The following CADM1 variants were observed in gnomAD, a reference collection of about 807,000 sequenced individuals.
CADM1 encodes TSLC-1.
In CADM1, 15 loss-of-function variants were observed where a neutral mutation model predicts 53.1. The ratio of observed to expected loss-of-function variants is 0.28; its 90% confidence interval spans 0.19 to 0.44. CADM1 has a LOEUF of 0.44. Ranked by LOEUF, CADM1 falls within the 20% of genes least tolerant of loss-of-function variation. The pLI is 1.00. For missense variants in CADM1, 434 were observed against 611.3 expected, an observed-to-expected ratio of 0.71 and a Z score of 3.06; for synonymous variants, 281 against 243.0, an observed-to-expected ratio of 1.16 and a Z score of -1.45.
At chr11:115,188,797 A>G (rs1473778756) in intron 10 of CADM1, among the ~76,000 whole-genome samples, 1 of 152,186 alleles carries the variant, frequency 6.6e-6, no homozygotes, top group African/African-American at 2.4e-5. Flanking sequence ...TTCTCAATCA[A>G]TATGCTCCCC....
chr11:115,179,275 A>G (rs1162107296), intron 10 of CADM1, among the ~76,000 whole-genome samples: 1 of 152,202 alleles, frequency 6.6e-6, no homozygotes, highest in African/African-American at 2.4e-5. Flanking sequence ...CCTAGAGATA[A>G]AACAAGGATT....
At chr11:115,237,601 C>T (rs902314250) in intron 3 of CADM1, among the ~76,000 whole-genome samples, 2 of 152,096 alleles carry the variant, frequency 1.3e-5, no homozygotes, top group South Asian at 2.1e-4. Context: ...TGCAGTCTGC[C>T]GCCTCAAATA....
chr11:115,326,234 G>A (rs530474853), intron 1 of CADM1, among the ~76,000 whole-genome samples: 2 of 152,182 alleles, frequency 1.3e-5, no homozygotes, highest in Admixed American at 1.3e-4. Flanking sequence ...TGCTTTTAAA[G>A]AAATCATTAT....
chr11:115,472,415 A>C (rs1205142319), intron 1 of CADM1, among the ~76,000 whole-genome samples: 1 of 152,206 alleles, frequency 6.6e-6, no homozygotes, highest in Non-Finnish European at 1.5e-5. Flanking sequence ...TGAAATCACT[A>C]AAGATGCCCC....
intron 1 of CADM1, among the ~76,000 whole-genome samples, chr11:115,418,322 C>T (rs925751202): frequency 2.6e-5 from 4 of 152,132 alleles, no homozygotes; most frequent in Non-Finnish European, 5.9e-5. Context: ...TTAACAAGAA[C>T]GGCCAGTCTA....
At chr11:115,225,000 T>C (rs535779490) in intron 5 of CADM1, among the ~76,000 whole-genome samples, 2 of 152,286 alleles carry the variant, frequency 1.3e-5, no homozygotes, top group Non-Finnish European at 2.9e-5. Flanking sequence ...AGCAAAACTG[T>C]TCTCTGCATA....
chr11:115,426,819 A>C (rs915644018), intron 1 of CADM1, among the ~76,000 whole-genome samples: 1 of 152,044 alleles, frequency 6.6e-6, no homozygotes, highest in African/African-American at 2.4e-5. Context: ...TCTGCCATTC[A>C]CAGGGATGAA....
intron 1 of CADM1, among the ~76,000 whole-genome samples, chr11:115,386,554 G>A (rs1054066563): frequency 1.3e-5 from 2 of 152,170 alleles, no homozygotes; most frequent in African/African-American, 2.4e-5. Flanking sequence ...GTCCCAGGAC[G>A]GCTCAGGGCA....
chr11:115,358,771 A>T (rs969958326), intron 1 of CADM1, among the ~76,000 whole-genome samples: 1 of 152,190 alleles, frequency 6.6e-6, no homozygotes, highest in African/African-American at 2.4e-5. Flanking sequence ...TTTTCCTTCA[A>T]ATATCATCTC....
In CADM1 at chr11:115,255,345, C is replaced by T. The variant is rs1284167046; in HGVS notation, c.125-14925G>A. On this transcript the variant is annotated intron_variant, in intron 1 of 11. Transcript: ENST00000331581. ...AAAATATAATTAGGACACCTGTCCA[C>T]CAGTCCCCTCAGAGCTTTGCTATGC... Among the ~76,000 whole-genome samples the T allele has an allele frequency of 4.6e-5, 7 of 152,184 alleles. No individual in the cohort carries two copies. In the East Asian group the frequency reaches 7.7e-4, roughly 17 times the overall value.
chr11:115,451,919 G>A (rs947189016), intron 1 of CADM1, among the ~76,000 whole-genome samples: 1 of 151,828 alleles, frequency 6.6e-6, no homozygotes, highest in Non-Finnish European at 1.5e-5. Flanking sequence ...GGGGCTGGAG[G>A]GGAAAAAAAA....
At chr11:115,387,996 C>A (rs1946742394) in intron 1 of CADM1, among the ~76,000 whole-genome samples, 1 of 151,824 alleles carries the variant, frequency 6.6e-6, no homozygotes, top group Non-Finnish European at 1.5e-5. Context: ...AGGGAAAGGA[C>A]AAGATAAGCC....
At chr11:115,357,786 T>C (rs949405056) in intron 1 of CADM1, among the ~76,000 whole-genome samples, 1 of 148,650 alleles carries the variant, frequency 6.7e-6, no homozygotes, top group Non-Finnish European at 1.5e-5. Context: ...TTAAACTATG[T>C]TTAATATAGT....
intron 9 of CADM1, among the ~76,000 whole-genome samples, chr11:115,191,264 G>C (rs896243997): frequency 1.1e-4 from 17 of 152,136 alleles, no homozygotes; most frequent in African/African-American, 3.9e-4. Flanking sequence ...TCGATGCTCT[G>C]ATATCTCTTA....
intron 1 of CADM1, among the ~76,000 whole-genome samples, chr11:115,438,209 T>C (rs1948226071): frequency 6.6e-6 from 1 of 152,190 alleles, no homozygotes; most frequent in Non-Finnish European, 1.5e-5. Flanking sequence ...TCTGTGCCTT[T>C]AGTTCAAAAT....
chr11:115,424,942 T>C (rs144304144), intron 1 of CADM1, among the ~76,000 whole-genome samples: 70 of 152,298 alleles, frequency 4.6e-4, no homozygotes, highest in African/African-American at 1.6e-3. Flanking sequence ...GTATAAAATA[T>C]GTGCAGATTG....
intron 1 of CADM1, among the ~76,000 whole-genome samples, chr11:115,491,172 G>A (rs1219981039): frequency 6.6e-6 from 1 of 152,036 alleles, no homozygotes; most frequent in Non-Finnish European, 1.5e-5. Flanking sequence ...AAAGACAGCC[G>A]ATCAGAAGCA....
At chr11:115,481,285 A>AT (rs1413015000) in intron 1 of CADM1, among the ~76,000 whole-genome samples, 1 of 152,158 alleles carries the variant, frequency 6.6e-6, no homozygotes, top group Non-Finnish European at 1.5e-5. Context: ...CCTAAGTTCT[A>AT]TAGCCATGGT....
intron 1 of CADM1, among the ~76,000 whole-genome samples, chr11:115,468,323 G>C (rs2135386181): frequency 6.6e-6 from 1 of 152,280 alleles, no homozygotes; most frequent in Non-Finnish European, 1.5e-5. Flanking sequence ...GATGAGACGG[G>C]TGCACTGGAA....
Sources: gnomAD v4.1 joint callset for allele counts (sites outside exome capture counted in the v4.1 genomes callset) on GRCh38, gnomAD v4.1.1 for gene constraint, MANE v1.5 for transcripts, NCBI Gene and HGNC (gene_info 2026-07-23, HGNC 2026-07-21) for gene names.